Variants in CLSTN2 observed in about 807,000 individuals in gnomAD.
CLSTN2 encodes calsyntenin-2.
Under a neutral mutation model 101.2 loss-of-function variants are expected in CLSTN2, and 48 were observed. That is an observed-to-expected ratio of 0.47 (90% confidence interval 0.38 to 0.60). CLSTN2 has a LOEUF of 0.60. Ranked by LOEUF, CLSTN2 falls within the 20% of genes least tolerant of loss-of-function variation. The pLI is 0.00. For synonymous variants in CLSTN2, 481 were observed against 463.6 expected (o/e 1.04, Z -0.48); for missense variants, 1,160 against 1,238.2 (o/e 0.94, Z 0.95).
At chr3:140,480,019 G>C (rs1286071347) in intron 8 of CLSTN2, among the ~76,000 whole-genome samples, 6 of 151,932 alleles carry the variant, frequency 3.9e-5, no homozygotes, top group African/African-American at 1.5e-4. Flanking sequence ...TGTTACATAT[G>C]TATACATGTG....
At chr3:139,976,143 T>C (rs1935813208) in intron 1 of CLSTN2, among the ~76,000 whole-genome samples, 1 of 152,096 alleles carries the variant, frequency 6.6e-6, no homozygotes. Context: ...TTTTGCAGAG[T>C]AGTCATAGCT....
At chr3:140,196,109 C>T (rs540233257) in intron 2 of CLSTN2, among the ~76,000 whole-genome samples, 4 of 152,304 alleles carry the variant, frequency 2.6e-5, no homozygotes, top group Admixed American at 1.3e-4. Flanking sequence ...AGGCATCTTT[C>T]GTGTTACCGA....
At chr3:140,299,873 G>A (rs907310689) in intron 2 of CLSTN2, among the ~76,000 whole-genome samples, 5 of 152,182 alleles carry the variant, frequency 3.3e-5, no homozygotes, top group Non-Finnish European at 2.9e-5. Flanking sequence ...AGACTTGCAC[G>A]TTGGAGCTCT....
intron 1 of CLSTN2, among the ~76,000 whole-genome samples, chr3:140,112,316 A>G (rs2009169085): frequency 6.6e-6 from 1 of 152,066 alleles, no homozygotes; most frequent in Admixed American, 6.6e-5. Context: ...TTGTAGATGA[A>G]ATGAGGTTAC....
intron 2 of CLSTN2, among the ~76,000 whole-genome samples, chr3:140,363,205 T>C (rs1186805103): frequency 2.0e-5 from 3 of 152,102 alleles, no homozygotes; most frequent in African/African-American, 7.2e-5. Flanking sequence ...AACACTATGC[T>C]AAATAAAAGA....
chr3:140,168,781 C>A (rs1365370079), intron 1 of CLSTN2, among the ~76,000 whole-genome samples: 2 of 151,980 alleles, frequency 1.3e-5, no homozygotes, highest in African/African-American at 4.8e-5. Flanking sequence ...TGTCTTAGAA[C>A]CTTTGTCAGA....
chr3:140,479,994 C>T (rs960073841), intron 8 of CLSTN2, among the ~76,000 whole-genome samples: 3 of 151,976 alleles, frequency 2.0e-5, no homozygotes, highest in Non-Finnish European at 4.4e-5. Flanking sequence ...GGTACACGTG[C>T]ACAACGTGCA....
rs2107799135 is a variant in CLSTN2, at chr3:140,572,163, A to G, written c.*5910A>G. 6.6e-6 allele frequency: 1 copy of G among 152,388 alleles called. No individual in the cohort carries two copies. Among genetic ancestry groups the G allele is most frequent in the African/African-American group, 2.4e-5 (1 of 41,572 alleles). The allele number at this position is 152,388 out of a possible 1,614,324, so 9.4% of individuals were successfully genotyped here. A position where few individuals can be genotyped will look rare whatever the true frequency, so the allele number is the denominator to read the frequency against. On this transcript the variant is annotated 3_prime_UTR_variant, in exon 17 of 17. Transcript: ENST00000458420. ...AAGTTTAGTGTTAGGGAGGCAGGGT[A>G]ACTTGCTTTGACAGCTACCCACCCT...
chr3:140,117,251 C>G (rs1376331708), intron 1 of CLSTN2, among the ~76,000 whole-genome samples: 4 of 152,222 alleles, frequency 2.6e-5, no homozygotes, highest in African/African-American at 4.8e-5. Flanking sequence ...CTGACCTTCT[C>G]AGAGCCAAGA....
rs142389396 is a variant in CLSTN2, at chr3:140,501,154, C to G, written c.1345-31170C>G. Among the ~76,000 whole-genome samples, 11 of 152,306 alleles carry G rather than the reference C, an allele frequency of 7.2e-5. No individual in the cohort carries two copies. The East Asian group carries it at 1.9e-3, about 27-fold the overall frequency. On this transcript the variant is annotated intron_variant, in intron 8 of 16. Coordinates refer to ENST00000458420, the MANE Select transcript of CLSTN2 (RefSeq NM_022131.3). ...CAGTCACTCTCGCTCCCTCCACCCACCTTGCTCTTGTTCTCTTTCTCTCTC... is the reference window on the plus strand; with the variant it reads ...CAGTCACTCTCGCTCCCTCCACCCAGCTTGCTCTTGTTCTCTTTCTCTCTC...
At chr3:140,541,201 C>CACTTCTGGTTAT (rs1935469030) in intron 9 of CLSTN2, among the ~76,000 whole-genome samples, 1 of 152,228 alleles carries the variant, frequency 6.6e-6, no homozygotes, top group African/African-American at 2.4e-5. Context: ...TGGCTTCACT[C>CACTTCTGGTTAT]ACTTCTGGTT....
intron 10 of CLSTN2, among the ~76,000 whole-genome samples, chr3:140,548,728 TG>T (rs1935652869): frequency 6.6e-6 from 1 of 152,080 alleles, no homozygotes; most frequent in South Asian, 2.1e-4. Context: ...AGATGGAAGG[TG>T]CCAGAGAGGT....
chr3:140,127,689 C>A (rs1344779825), intron 1 of CLSTN2, among the ~76,000 whole-genome samples: 1 of 152,096 alleles, frequency 6.6e-6, no homozygotes, highest in Non-Finnish European at 1.5e-5. Flanking sequence ...CAGAGACAGC[C>A]AGGCTCATCT....
chr3:140,156,363 T>G (rs1040251451), intron 1 of CLSTN2, among the ~76,000 whole-genome samples: 9 of 152,224 alleles, frequency 5.9e-5, no homozygotes, highest in Non-Finnish European at 1.3e-4. Flanking sequence ...TCCATTTTAT[T>G]GCTCATGCTG....
In CLSTN2 at chr3:140,516,993, T is replaced by C. The variant is rs1934930825; in HGVS notation, c.1345-15331T>C. On this transcript the variant is annotated intron_variant, in intron 8 of 16. Coordinates refer to ENST00000458420, the MANE Select transcript of CLSTN2 (RefSeq NM_022131.3). Reference sequence around the variant, plus strand: ...TAATCTTAGGTTTTGTCATTTAACATAACTTCTTGGAGACTTAGCTCATTT... The same window carrying C: ...TAATCTTAGGTTTTGTCATTTAACACAACTTCTTGGAGACTTAGCTCATTT... 2.6e-5 allele frequency among the ~76,000 whole-genome samples: 4 copies of C among 152,116 alleles called. No individual in the cohort carries two copies. In the South Asian group the frequency reaches 8.3e-4, roughly 32 times the overall value.
intron 2 of CLSTN2, among the ~76,000 whole-genome samples, chr3:140,196,866 C>T (rs187574562): frequency 1.3e-5 from 2 of 152,344 alleles, no homozygotes; most frequent in Admixed American, 1.3e-4. Flanking sequence ...TTCTCTCCTG[C>T]TCTTGCACCT....
chr3:140,160,391 A>G (rs534730100), intron 1 of CLSTN2, among the ~76,000 whole-genome samples: 62 of 152,182 alleles, frequency 4.1e-4, no homozygotes, highest in Non-Finnish European at 6.9e-4. Context: ...CCAACCCTAA[A>G]TGAGTTCTTT....
chr3:140,114,744 T>A (rs2107796254), intron 1 of CLSTN2, among the ~76,000 whole-genome samples: 1 of 152,214 alleles, frequency 6.6e-6, no homozygotes, highest in African/African-American at 2.4e-5. Flanking sequence ...CACACAGGGT[T>A]CTCACCTAAA....
intron 2 of CLSTN2, among the ~76,000 whole-genome samples, chr3:140,306,458 G>A (rs2087114814): frequency 6.6e-6 from 1 of 152,172 alleles, no homozygotes; most frequent in South Asian, 2.1e-4. Flanking sequence ...CTATGCTGTG[G>A]TCTTGGGTAA....
Sources: allele counts gnomAD v4.1 joint callset (sites outside exome capture counted in the v4.1 genomes callset), GRCh38; gene constraint gnomAD v4.1.1; transcripts MANE v1.5; gene names NCBI Gene and HGNC (gene_info 2026-07-23, HGNC 2026-07-21).